The following KHDRBS3 variants were observed in gnomAD, a reference collection of about 807,000 sequenced individuals.
KHDRBS3 encodes the protein KH RNA binding domain containing, signal transduction associated 3.
A neutral mutation model predicts 45.6 loss-of-function variants in KHDRBS3; 23 were observed. The ratio of observed to expected loss-of-function variants is 0.50; its 90% CI spans 0.36 to 0.72. KHDRBS3 has a LOEUF of 0.72. Ranked by LOEUF, KHDRBS3 falls within the 30% of genes least tolerant of loss-of-function variation. KHDRBS3 has a pLI of 0.00. For missense variants in KHDRBS3, 352 were observed against 424.8 expected (o/e 0.83, Z 1.51); for synonymous variants, 162 against 156.5 (o/e 1.04, Z -0.26).
At chr8:135,557,935 C>G (rs1826971313) in intron 5 of KHDRBS3, among the ~76,000 whole-genome samples, 1 of 152,154 alleles carries the variant, frequency 6.6e-6, no homozygotes, top group African/African-American at 2.4e-5. Context: ...TAAATATAAC[C>G]TGTGACACTT....
chr8:135,501,161 C>T (rs1823716615), intron 1 of KHDRBS3, among the ~76,000 whole-genome samples: 1 of 152,182 alleles, frequency 6.6e-6, no homozygotes, highest in African/African-American at 2.4e-5. Flanking sequence ...TAAACCATAG[C>T]TAGAACAGTT....
At chr8:135,476,045 G>T (rs555653165) in intron 1 of KHDRBS3, among the ~76,000 whole-genome samples, 1 of 152,336 alleles carries the variant, frequency 6.6e-6, no homozygotes, top group East Asian at 1.9e-4. Context: ...CAGAGTGCCT[G>T]TCAGGGTATT....
chr8:135,469,290 G>GTC (rs1448129157), intron 1 of KHDRBS3, among the ~76,000 whole-genome samples: 5 of 152,184 alleles, frequency 3.3e-5, no homozygotes, highest in African/African-American at 1.2e-4. Flanking sequence ...AGGAAGGACC[G>GTC]TCTGTTTTTT....
chr8:135,517,540 C>A (rs1296482806), intron 1 of KHDRBS3, among the ~76,000 whole-genome samples: 1 of 151,900 alleles, frequency 6.6e-6, no homozygotes, highest in Non-Finnish European at 1.5e-5. Context: ...TTATGTATTT[C>A]TGGATTTCAA....
intron 5 of KHDRBS3, among the ~76,000 whole-genome samples, chr8:135,560,820 G>T (rs1035636359): frequency 1.3e-5 from 2 of 152,164 alleles, no homozygotes; most frequent in Non-Finnish European, 2.9e-5. Flanking sequence ...GTGGAGTAAT[G>T]ATTGGTTCAG....
At chr8:135,609,080 C>T (rs1829595926) in intron 7 of KHDRBS3, among the ~76,000 whole-genome samples, 1 of 152,136 alleles carries the variant, frequency 6.6e-6, no homozygotes, top group Non-Finnish European at 1.5e-5. Context: ...ACACTAAACG[C>T]TTAGGCTACA....
At chr8:135,499,755 A>G (rs1823639245) in intron 1 of KHDRBS3, among the ~76,000 whole-genome samples, 1 of 152,178 alleles carries the variant, frequency 6.6e-6, no homozygotes, top group African/African-American at 2.4e-5. Flanking sequence ...TAACCCTGCC[A>G]GGAGGGAGGA....
At chr8:135,569,988 G>C (rs1442835487) in intron 5 of KHDRBS3, among the ~76,000 whole-genome samples, 1 of 152,064 alleles carries the variant, frequency 6.6e-6, no homozygotes, top group Non-Finnish European at 1.5e-5. Flanking sequence ...TATTAAAAAA[G>C]ATAATTTTTG....
chr8:135,469,505 TGTTTTTTTTTTGTTTTG>T (rs1286992938), intron 1 of KHDRBS3, among the ~76,000 whole-genome samples: 6,444 of 66,968 alleles, frequency 0.096, 395 homozygotes, highest in African/African-American at 0.19. Context: ...GCCAGGATGG[TGTTTTTTTTTTGTTTTG>T]GTTTTTTTTT....
intron 4 of KHDRBS3, among the ~76,000 whole-genome samples, chr8:135,556,814 C>T (rs1826909140): frequency 6.6e-6 from 1 of 152,024 alleles, no homozygotes. Context: ...AATCAAGGAC[C>T]ACTCCTAGAG....
At chr8:135,574,696 T>G (rs1827871936) in intron 5 of KHDRBS3, among the ~76,000 whole-genome samples, 1 of 152,228 alleles carries the variant, frequency 6.6e-6, no homozygotes, top group Non-Finnish European at 1.5e-5. Flanking sequence ...AGGAGTTAGA[T>G]GCACTATAGC....
At chr8:135,600,675 C>T (rs1477683713) in intron 6 of KHDRBS3, among the ~76,000 whole-genome samples, 1 of 152,178 alleles carries the variant, frequency 6.6e-6, no homozygotes, top group Non-Finnish European at 1.5e-5. Context: ...TACATTTTGA[C>T]AACATAGGGA....
chr8:135,480,458 CA>C (rs2130310406), intron 1 of KHDRBS3, among the ~76,000 whole-genome samples: 1 of 152,204 alleles, frequency 6.6e-6, no homozygotes, highest in Non-Finnish European at 1.5e-5. Flanking sequence ...CATTTAAATT[CA>C]AAATGGAATA....
intron 4 of KHDRBS3, among the ~76,000 whole-genome samples, chr8:135,553,069 C>A (rs1371683170): frequency 6.6e-6 from 1 of 152,174 alleles, no homozygotes; most frequent in Non-Finnish European, 1.5e-5. Context: ...GCCTTCCATC[C>A]AGCCAGAGGT....
intron 7 of KHDRBS3, among the ~76,000 whole-genome samples, chr8:135,644,353 C>T (rs778440161): frequency 1.3e-5 from 2 of 152,146 alleles, no homozygotes; most frequent in Non-Finnish European, 2.9e-5. Flanking sequence ...AGATCCTTGG[C>T]CTCATGTAAC....
rs557500088 is a variant in KHDRBS3 at position 135,607,050 on chromosome 8, C to T, written c.890+13C>T. The T allele has an allele frequency of 1.9e-6, 3 of 1,593,246 alleles. No homozygotes were observed. The Admixed American group carries it at 5.0e-5, about 27-fold the overall frequency. On this transcript the variant is annotated intron_variant, in intron 7 of 8. Coordinates refer to ENST00000355849, the MANE Select transcript of KHDRBS3 (RefSeq NM_006558.3). ...CCCCAGCCCAAAGGTAAGAGTCAGTCTTTATTACCAGACCCCACAACAGAA... is the reference window on the plus strand; with the variant it reads ...CCCCAGCCCAAAGGTAAGAGTCAGTTTTTATTACCAGACCCCACAACAGAA...
intron 6 of KHDRBS3, among the ~76,000 whole-genome samples, chr8:135,592,454 T>C (rs777324059): frequency 6.6e-6 from 1 of 152,188 alleles, no homozygotes; most frequent in Non-Finnish European, 1.5e-5. Context: ...GATTTAGGGC[T>C]GAGGCAGGGA....
intron 7 of KHDRBS3, among the ~76,000 whole-genome samples, chr8:135,615,730 T>G (rs772068484): frequency 7.2e-5 from 11 of 152,178 alleles, no homozygotes; most frequent in Admixed American, 2.0e-4. Flanking sequence ...TAAAAGAAAA[T>G]TAACATGGAG....
chr8:135,500,371 G>A (rs1823676952), intron 1 of KHDRBS3, among the ~76,000 whole-genome samples: 1 of 152,056 alleles, frequency 6.6e-6, no homozygotes, highest in African/African-American at 2.4e-5. Flanking sequence ...ACTGACTTTG[G>A]CCAAACAACA....
Sources: allele counts gnomAD v4.1 joint callset (sites outside exome capture counted in the v4.1 genomes callset), GRCh38; gene constraint gnomAD v4.1.1; transcripts MANE v1.5; gene names NCBI Gene and HGNC (gene_info 2026-07-23, HGNC 2026-07-21).